EFL1: variants seen among roughly 807,000 people sequenced by gnomAD.
The protein encoded by EFL1 is elongation factor like GTPase 1.
In EFL1, 76 loss-of-function variants were observed where a neutral mutation model predicts 126.7. The observed-to-expected ratio is 0.60, with a 90% CI of 0.50 to 0.73. EFL1 has a LOEUF of 0.73. Ranked by LOEUF, EFL1 falls within the 30% of genes least tolerant of loss-of-function variation. EFL1 has a pLI of 0.00. For missense variants in EFL1, 1,128 were observed against 1,343.2 expected, an observed-to-expected ratio of 0.84 and a Z score of 2.50; for synonymous variants, 410 against 448.4, an observed-to-expected ratio of 0.91 and a Z score of 1.08.
intron 15 of EFL1, among the ~76,000 whole-genome samples, chr15:82,210,146 G>C (rs371846826): frequency 6.6e-6 from 1 of 152,204 alleles, no homozygotes; most frequent in African/African-American, 2.4e-5. Flanking sequence ...GTCCTGTCAT[G>C]AGTCTGTTAA....
chr15:82,151,379 C>T (rs959019325), intron 18 of EFL1, 86 bp downstream of exon 18: 5 of 1,310,054 alleles, frequency 3.8e-6, no homozygotes, highest in Middle Eastern at 2.0e-4. Flanking sequence ...CAGAATGAGA[C>T]CCTGTCTCAA....
At chr15:82,148,287 A>G (rs2073870304) in intron 18 of EFL1, among the ~76,000 whole-genome samples, 1 of 151,302 alleles carries the variant, frequency 6.6e-6, no homozygotes, top group Non-Finnish European at 1.5e-5. Context: ...CTGAGGTGGG[A>G]GAATTGCTTG....
chr15:82,176,314 T>G (rs930129201), intron 15 of EFL1, among the ~76,000 whole-genome samples: 1 of 152,156 alleles, frequency 6.6e-6, no homozygotes, highest in Non-Finnish European at 1.5e-5. Context: ...AAAGCGTTAG[T>G]CGTAAAAGAA....
At chr15:82,154,530 C>T (rs1436498250) in intron 17 of EFL1, among the ~76,000 whole-genome samples, 2 of 151,052 alleles carry the variant, frequency 1.3e-5, no homozygotes, top group African/African-American at 2.5e-5. Context: ...TCATATAGAA[C>T]AGTGCACAAA....
At chr15:82,234,143 T>G (rs965145756) in intron 7 of EFL1, among the ~76,000 whole-genome samples, 22 of 152,236 alleles carry the variant, frequency 1.4e-4, no homozygotes, top group Admixed American at 1.4e-3. Flanking sequence ...TCCCCCAATT[T>G]GTGTGATTTA....
chr15:82,206,450 C>T lies in EFL1; in HGVS notation c.1750+8267G>A, dbSNP rs559797891. Among the ~76,000 whole-genome samples the T allele has an allele frequency of 1.2e-4, 19 of 152,178 alleles. No individual in the cohort carries two copies. In the South Asian group the frequency reaches 3.5e-3, roughly 28 times the overall value. ...ACTACAGATACAGAAGTAAATATCCCATCTTAATAAATATTATTATGGGAT... is the reference window on the plus strand; with the variant it reads ...ACTACAGATACAGAAGTAAATATCCTATCTTAATAAATATTATTATGGGAT... On this transcript the variant is annotated intron_variant, in intron 15 of 19. Coordinates refer to ENST00000268206, the MANE Select transcript of EFL1 (RefSeq NM_024580.6).
rs138951376 is a variant in EFL1, at chr15:82,222,157, C to G, written c.1293-1928G>C. Among the ~76,000 whole-genome samples the G allele has an allele frequency of 1.8e-4, 28 of 152,340 alleles. No individual in the cohort carries two copies. In the East Asian group the frequency reaches 5.4e-3, roughly 29 times the overall value. On this transcript the variant is annotated intron_variant, in intron 12 of 19. Transcript: ENST00000268206. ...ATGGTCTCTTCCAACAGGTTTATCACTATGATCCAGAGACTGTTAATCACT... is the reference window on the plus strand; with the variant it reads ...ATGGTCTCTTCCAACAGGTTTATCAGTATGATCCAGAGACTGTTAATCACT...
intron 15 of EFL1, among the ~76,000 whole-genome samples, chr15:82,196,971 G>T (rs1231578513): frequency 6.6e-6 from 1 of 151,510 alleles, no homozygotes. Context: ...GTCAGAGATT[G>T]CAGTGAGCCG....
chr15:82,259,102 G>A lies in EFL1; in HGVS notation c.145C>T (p.Arg49Cys), dbSNP rs747015582. The change falls in exon 3 of 20, where the codon CGC becomes TGC. Residue 49 changes from arginine (R) to cysteine (C), a missense_variant. By Grantham distance (180) the Arg-to-Cys change is radical. Around this residue, in one of 6 missense-constraint regions of EFL1, gnomAD observed 118 missense variants for 188.1 expected, o/e 0.63. Coordinates refer to ENST00000268206, the MANE Select transcript of EFL1 (RefSeq NM_024580.6). ...LISSNGIISS[R>C]LAGKLRYMDS... ...TAATAACATACCTTGCCTGCTAGGC[G>A]GCTGGAGATGATTCCATTGCTAGAT... 27 of 1,613,736 alleles carry A rather than the reference G, an allele frequency of 1.7e-5. No individual in the cohort carries two copies. Among genetic ancestry groups the A allele is most frequent in the East Asian group, 2.2e-5 (1 of 44,876 alleles).
At position 82,169,631 on chromosome 15, in the gene EFL1, A is replaced by AT. The variant is rs200600862; in HGVS notation, c.1751-5648dup. ...GTAATAAACATTTGAACTCTTTCAT[A>AT]TTTTTTTTTCTCCAGACTATAGTTT... On this transcript the variant is annotated intron_variant, in intron 15 of 19. Coordinates refer to ENST00000268206, the MANE Select transcript of EFL1 (RefSeq NM_024580.6). Among the ~76,000 whole-genome samples the AT allele has an allele frequency of 1.3e-4, 20 of 150,656 alleles. No homozygotes were observed. The East Asian group carries it at 2.9e-3, about 22-fold the overall frequency.
At chr15:82,174,778 G>T (rs1014261673) in intron 15 of EFL1, among the ~76,000 whole-genome samples, 4 of 152,188 alleles carry the variant, frequency 2.6e-5, no homozygotes, top group African/African-American at 9.7e-5. Flanking sequence ...GGCCACCGTG[G>T]AATTATATGT....
intron 4 of EFL1, among the ~76,000 whole-genome samples, chr15:82,252,022 T>C (rs1431924332): frequency 6.6e-6 from 1 of 152,210 alleles, no homozygotes; most frequent in Non-Finnish European, 1.5e-5. Context: ...CATTCATATC[T>C]TACAAAAATA....
At position 82,238,530 on chromosome 15, in the gene EFL1, G is replaced by A. The variant is rs1273845277; in HGVS notation, c.517-9C>T. 45 of 1,599,950 alleles carry A rather than the reference G, an allele frequency of 2.8e-5. No individual in the cohort carries two copies. The highest frequency in any genetic ancestry group is 4.5e-5 in the South Asian group (4 of 89,466). On this transcript the variant is annotated splice_polypyrimidine_tract_variant and intron_variant, in intron 6 of 19. Coordinates refer to ENST00000268206, the MANE Select transcript of EFL1 (RefSeq NM_024580.6). ...CCTGTGAGCGCATTAATCTAGGAGA[G>A]ATGGTGAAATGGCAGAGCGTCATTC...
rs559227317 is a variant in EFL1, at chr15:82,225,390, A to G, written c.1193-126T>C. Reference sequence around the variant, plus strand: ...CATCATCAAAATACACCAGAAGTCCATAACTTTTTCCAACTATGATAAAAA... The same window carrying G: ...CATCATCAAAATACACCAGAAGTCCGTAACTTTTTCCAACTATGATAAAAA... On this transcript the variant is annotated intron_variant, in intron 11 of 19. Transcript: ENST00000268206. 11 of 647,556 alleles carry G rather than the reference A, an allele frequency of 1.7e-5. 1 individual carries two copies. Among genetic ancestry groups the G allele is most frequent in the Admixed American group, 1.2e-4 (3 of 25,410 alleles). 40.1% of individuals were successfully genotyped at this position (647,556 alleles called of 1,614,324 possible). A position where few individuals can be genotyped will look rare whatever the true frequency, so the allele number is the denominator to read the frequency against.
At position 82,142,054 on chromosome 15, in the gene EFL1, A is replaced by T. The variant is rs998602026; in HGVS notation, c.2990-3212T>A. On this transcript the variant is annotated intron_variant, in intron 18 of 19. Coordinates refer to ENST00000268206, the MANE Select transcript of EFL1 (RefSeq NM_024580.6). ...GTGTGTTCAATGCTTGGATGCATTC[A>T]AAGACCCTAAATGTGCCATTGTCAT... 9.2e-5 allele frequency among the ~76,000 whole-genome samples: 14 copies of T among 152,348 alleles called. 1 individual carries two copies. Among genetic ancestry groups the T allele is most frequent in the Admixed American group, 7.2e-4 (11 of 15,302 alleles).
intron 15 of EFL1, among the ~76,000 whole-genome samples, chr15:82,188,828 A>G (rs759987310): frequency 9.2e-5 from 14 of 151,710 alleles, no homozygotes; most frequent in Non-Finnish European, 1.5e-4. Flanking sequence ...GGTTAGCTGC[A>G]GTACTATTTT....
At chr15:82,130,589 A>G in intron 19 of EFL1, 28 bp from the exon 20 acceptor site, 1 of 1,606,998 alleles carries the variant, frequency 6.2e-7, no homozygotes, top group Non-Finnish European at 8.5e-7. Flanking sequence ...CAGAATGTGC[A>G]AGGTTAGGCA....
chr15:82,228,396 A>G (rs2074786772), intron 9 of EFL1, 69 bp from the exon 10 acceptor site: 1 of 1,508,172 alleles, frequency 6.6e-7, no homozygotes, highest in Non-Finnish European at 8.9e-7. Context: ...GGAACCCAAC[A>G]TTATTTGGCA....
At chr15:82,218,860 C>T (rs922733167) in intron 14 of EFL1, among the ~76,000 whole-genome samples, 103 of 152,156 alleles carry the variant, frequency 6.8e-4, no homozygotes, top group African/African-American at 2.4e-3. Context: ...AGACTTACTT[C>T]AACTGCTACC....
Sources: allele counts gnomAD v4.1 joint callset (sites outside exome capture counted in the v4.1 genomes callset), GRCh38; gene constraint gnomAD v4.1.1; regional missense constraint gnomAD v4.1.1; transcripts MANE v1.5; gene names NCBI Gene and HGNC (gene_info 2026-07-23, HGNC 2026-07-21).